UBE3A: variants seen among roughly 807,000 people sequenced by gnomAD.
UBE3A encodes ubiquitin-protein ligase E3A.
Under a neutral mutation model 83.4 loss-of-function variants are expected in UBE3A, and 6 were observed. The ratio of observed to expected loss-of-function variants is 0.07; its 90% confidence interval spans 0.04 to 0.14. The LOEUF (loss-of-function observed/expected upper bound fraction) is 0.14. Among genes scored for constraint, UBE3A ranks in the 10% least tolerant of loss-of-function variants. The pLI is 1.00. For synonymous variants in UBE3A, 337 were observed against 355.4 expected (o/e 0.95, Z 0.58); for missense variants, 456 against 1,036.1 (o/e 0.44, Z 7.69).
At chr15:25,364,930 G>C (rs1038665209) in intron 6 of UBE3A, among the ~76,000 whole-genome samples, 1 of 152,076 alleles carries the variant, frequency 6.6e-6, no homozygotes, top group Non-Finnish European at 1.5e-5. Context: ...ACAGGTGTGA[G>C]CCACCGCGCC....
At chr15:25,352,634 A>G (rs1192691134) in intron 11 of UBE3A, among the ~76,000 whole-genome samples, 4 of 152,252 alleles carry the variant, frequency 2.6e-5, no homozygotes, top group Non-Finnish European at 2.9e-5. Flanking sequence ...CAGTATCTGC[A>G]AAGTGCAATA....
intron 4 of UBE3A, among the ~76,000 whole-genome samples, chr15:25,379,326 CAGAGA>C (rs1346499802): frequency 3.3e-5 from 5 of 152,102 alleles, no homozygotes; most frequent in Non-Finnish European, 7.4e-5. Context: ...TGCTGATGCT[CAGAGA>C]AATTACATAA....
chr15:25,339,367 G>T, intron 12 of UBE3A, 110 bp from the exon 13 acceptor site: 1 of 1,358,934 alleles, frequency 7.4e-7, no homozygotes, highest in Non-Finnish European at 1.0e-6. Flanking sequence ...GGTCTGCAAT[G>T]CAAACTATAC....
chr15:25,359,418 C>CGTGCGTGT (rs2077694492), intron 7 of UBE3A, among the ~76,000 whole-genome samples: 1 of 138,924 alleles, frequency 7.2e-6, no homozygotes, highest in Non-Finnish European at 1.6e-5. Context: ...ATAAGGGATG[C>CGTGCGTGT]GTGTGTGTGT....
chr15:25,398,816 A>ATATAT (rs1567069211), intron 4 of UBE3A, among the ~76,000 whole-genome samples: 992 of 40,140 alleles, frequency 0.025, 33 homozygotes, highest in South Asian at 0.043. Context: ...TATATATATA[A>ATATAT]AAATACATAT....
chr15:25,433,741 G>C (rs1447851038), intron 1 of UBE3A, among the ~76,000 whole-genome samples: 1 of 151,920 alleles, frequency 6.6e-6, no homozygotes, highest in Non-Finnish European at 1.5e-5. Context: ...ATAAGGCTTA[G>C]AATCAAATAG....
At chr15:25,434,979 C>T (rs12438852) in intron 1 of UBE3A, among the ~76,000 whole-genome samples, 59,028 of 118,190 alleles carry the variant, frequency 0.5, 12,592 homozygotes, top group South Asian at 0.55. Context: ...TACACACACA[C>T]ACACACACAC....
At chr15:25,429,963 C>G (rs1030638898) in intron 1 of UBE3A, among the ~76,000 whole-genome samples, 1 of 140,356 alleles carries the variant, frequency 7.1e-6, no homozygotes, top group African/African-American at 2.8e-5. Flanking sequence ...TAAGACTGCA[C>G]CATTGCACAC....
At chr15:25,434,010 T>C (rs1435100252) in intron 1 of UBE3A, among the ~76,000 whole-genome samples, 1 of 152,122 alleles carries the variant, frequency 6.6e-6, no homozygotes, top group Non-Finnish European at 1.5e-5. Flanking sequence ...TGCAATGAGT[T>C]ATGACAGCAC....
intron 8 of UBE3A, 68 bp from the exon 9 acceptor site, chr15:25,356,124 CTCT>C (rs1448460318): frequency 1.3e-6 from 2 of 1,565,706 alleles, no homozygotes; most frequent in Admixed American, 3.3e-5. Context: ...ATTTATATCA[CTCT>C]TCTTAGAAGA....
At chr15:25,373,889 T>C (rs1384314761) in intron 5 of UBE3A, 2 of 152,200 alleles carry the variant, frequency 1.3e-5, no homozygotes, top group East Asian at 3.9e-4. Context: ...GATACAGGTG[T>C]TCTACTGAGA....
intron 4 of UBE3A, among the ~76,000 whole-genome samples, chr15:25,394,340 T>C (rs983888324): frequency 2.0e-5 from 3 of 152,176 alleles, no homozygotes; most frequent in Non-Finnish European, 2.9e-5. Context: ...TGAAGGGAAA[T>C]AGATGTCAGA....
intron 3 of UBE3A, chr15:25,407,316 T>A (rs1207367334): frequency 9.9e-7 from 1 of 1,009,270 alleles, no homozygotes; most frequent in Non-Finnish European, 1.2e-6. Flanking sequence ...AGCAAAACTT[T>A]CAAAATTAAC....
At chr15:25,407,162 T>C (rs369133829) in intron 3 of UBE3A, 186 of 1,347,852 alleles carry the variant, frequency 1.4e-4, no homozygotes, top group Non-Finnish European at 1.7e-4. Context: ...TAACCCCATG[T>C]ACCAGCTGAC....
intron 1 of UBE3A, chr15:25,422,005 A>C (rs1195331401): frequency 1.3e-5 from 2 of 152,250 alleles, no homozygotes; most frequent in African/African-American, 2.4e-5. Context: ...CATGCACACA[A>C]AACAGTACCT....
At chr15:25,372,011 C>T (rs542156492) in intron 5 of UBE3A, among the ~76,000 whole-genome samples, 199 bp from the exon 6 acceptor site, 79 of 152,066 alleles carry the variant, frequency 5.2e-4, no homozygotes, top group African/African-American at 1.8e-3. Context: ...AACTACCTAC[C>T]TATACCAATG....
In UBE3A at chr15:25,338,964, T is replaced by C. The variant is rs949854720; in HGVS notation, c.*173A>G. On this transcript the variant is annotated 3_prime_UTR_variant, in exon 13 of 13. Transcript: ENST00000648336. ...GCTGTTCCAGCCCACATGTCCCCAATAAAGAAGGGAGGCACAGACATAGGT... is the reference window on the plus strand; with the variant it reads ...GCTGTTCCAGCCCACATGTCCCCAACAAAGAAGGGAGGCACAGACATAGGT... 1.9e-6 allele frequency: 1 copy of C among 529,642 alleles called. No homozygotes were observed. The highest frequency in any genetic ancestry group is 3.8e-5 in the South Asian group (1 of 26,292). 32.8% of individuals were successfully genotyped at this position (529,642 alleles called of 1,614,324 possible).
At chr15:25,392,165 G>T (rs2084548252) in intron 4 of UBE3A, among the ~76,000 whole-genome samples, 1 of 152,186 alleles carries the variant, frequency 6.6e-6, no homozygotes, top group African/African-American at 2.4e-5. Flanking sequence ...TGTGGGAAAA[G>T]AACATGTCCA....
intron 6 of UBE3A, among the ~76,000 whole-genome samples, chr15:25,361,174 G>A (rs965142940): frequency 4.0e-5 from 6 of 148,368 alleles, no homozygotes; most frequent in East Asian, 2.0e-4. Context: ...CGCCTAGGCT[G>A]GAGTGCAGTG....
Sources: gnomAD v4.1 joint callset for allele counts (sites outside exome capture counted in the v4.1 genomes callset) on GRCh38, gnomAD v4.1.1 for gene constraint, MANE v1.5 for transcripts, NCBI Gene and HGNC (gene_info 2026-07-23, HGNC 2026-07-21) for gene names.